Variants in CDK15 observed in about 807,000 individuals in gnomAD.
The protein encoded by CDK15 is cyclin-dependent kinase 15.
CDK15 carries 62 observed loss-of-function variants against 60.3 expected under a neutral mutation model. The ratio of observed to expected loss-of-function variants is 1.03; its 90% CI spans 0.84 to 1.27. The LOEUF is 1.27. Ranked by LOEUF, CDK15 falls within the 50% of genes most tolerant of loss-of-function variation. The pLI is 0.00. For synonymous variants in CDK15, 194 were observed against 195.7 expected, an observed-to-expected ratio of 0.99 and a Z score of 0.07; for missense variants, 541 against 527.8, an observed-to-expected ratio of 1.03 and a Z score of -0.25.
At chr2:201,879,597 C>T (rs115231432) in intron 11 of CDK15, among the ~76,000 whole-genome samples, 1,772 of 152,262 alleles carry the variant, frequency 0.012, 22 homozygotes, top group Middle Eastern at 0.027. Flanking sequence ...CCAGTCTGGT[C>T]CCAAACTCCT....
chr2:201,883,897 T>A (rs1218487260), intron 12 of CDK15, among the ~76,000 whole-genome samples: 2 of 152,182 alleles, frequency 1.3e-5, no homozygotes, highest in Non-Finnish European at 2.9e-5. Context: ...CTCTTTGCCC[T>A]CAGCATGAAC....
Position 201,851,235 on chromosome 2 carries a change from T to C in CDK15, c.946-3639T>C, listed in dbSNP as rs1361187888. On this transcript the variant is annotated intron_variant, in intron 9 of 13. Coordinates refer to ENST00000652192, the MANE Select transcript of CDK15 (RefSeq NM_001366386.2). Reference sequence around the variant, plus strand: ...TGAACCCAGGAGGAGGAGGTTGCAGTGAGACGAGATCGTGCCACTGCACTC... The same window carrying C: ...TGAACCCAGGAGGAGGAGGTTGCAGCGAGACGAGATCGTGCCACTGCACTC... Among the ~76,000 whole-genome samples, 13 of 129,426 alleles carry C rather than the reference T, an allele frequency of 1.0e-4. No homozygotes were observed. In the Admixed American group the frequency reaches 1.3e-3, roughly 12 times the overall value. The allele number at this position is 129,426 out of a possible 152,430, so 84.9% of individuals were successfully genotyped here. A position where few individuals can be genotyped will look rare whatever the true frequency, so the allele number is the denominator to read the frequency against.
At chr2:201,837,842 T>A (rs140700358) in intron 8 of CDK15, among the ~76,000 whole-genome samples, 1 of 152,318 alleles carries the variant, frequency 6.6e-6, no homozygotes, top group African/African-American at 2.4e-5. Flanking sequence ...TTAAATGGTG[T>A]CCTAAAAGGC....
At chr2:201,836,073 T>TATATTTATATATTTATATATA (rs56275763) in intron 8 of CDK15, among the ~76,000 whole-genome samples, 5 of 106,684 alleles carry the variant, frequency 4.7e-5, no homozygotes, top group Admixed American at 2.7e-4. Context: ...TATATTTATA[T>TATATTTATATATTTATATATA]TTATATATAT....
chr2:201,864,631 T>G (rs1467783528), intron 10 of CDK15, among the ~76,000 whole-genome samples: 1 of 152,144 alleles, frequency 6.6e-6, no homozygotes, highest in East Asian at 1.9e-4. Flanking sequence ...GGGATGGTTT[T>G]TAAAGAAAGA....
chr2:201,856,411 C>T lies in CDK15; in HGVS notation c.1009+1474C>T, dbSNP rs182652171. Among the ~76,000 whole-genome samples, 22 of 152,206 alleles carry T rather than the reference C, an allele frequency of 1.4e-4. 1 individual carries two copies. In the East Asian group the frequency reaches 4.3e-3, roughly 29 times the overall value. On this transcript the variant is annotated intron_variant, in intron 10 of 13. Coordinates refer to ENST00000652192, the MANE Select transcript of CDK15 (RefSeq NM_001366386.2). ...AATGGTTATATCTATTGCTAAAAGGCCTTAATATCATTTGCAAATAGTTTA... is the reference window on the plus strand; with the variant it reads ...AATGGTTATATCTATTGCTAAAAGGTCTTAATATCATTTGCAAATAGTTTA...
At chr2:201,835,858 T>C in intron 8 of CDK15, 95 bp downstream of exon 8, 1 of 744,256 alleles carries the variant, frequency 1.3e-6, no homozygotes, top group Non-Finnish European at 1.8e-6. Context: ...AAAATGGCAA[T>C]CACGTATATA....
intron 11 of CDK15, among the ~76,000 whole-genome samples, chr2:201,874,805 T>A (rs1463917758): frequency 1.3e-5 from 2 of 152,200 alleles, no homozygotes. Context: ...TTCCTAGTAT[T>A]GGATGTATTT....
At chr2:201,875,456 A>C (rs1489935330) in intron 11 of CDK15, among the ~76,000 whole-genome samples, 1 of 152,184 alleles carries the variant, frequency 6.6e-6, no homozygotes, top group Non-Finnish European at 1.5e-5. Flanking sequence ...AATTCTAAGA[A>C]TTTATCCTAA....
intron 10 of CDK15, among the ~76,000 whole-genome samples, chr2:201,867,378 A>G (rs1053829099): frequency 6.6e-6 from 1 of 151,982 alleles, no homozygotes; most frequent in Non-Finnish European, 1.5e-5. Context: ...TAATCCTAAC[A>G]CTTTGGGAGG....
chr2:201,862,483 C>A (rs1031832933), intron 10 of CDK15, among the ~76,000 whole-genome samples: 13 of 152,188 alleles, frequency 8.5e-5, no homozygotes, highest in Non-Finnish European at 4.4e-5. Flanking sequence ...GTTCCAATTG[C>A]ACCCTCTTGG....
At chr2:201,839,663 T>TAAAC (rs1697283279) in intron 8 of CDK15, among the ~76,000 whole-genome samples, 1 of 146,868 alleles carries the variant, frequency 6.8e-6, no homozygotes, top group African/African-American at 2.5e-5. Flanking sequence ...AGAAAAGATA[T>TAAAC]AGACAGACAG....
intron 8 of CDK15, among the ~76,000 whole-genome samples, chr2:201,837,093 T>G (rs1055269206): frequency 4.0e-5 from 6 of 151,874 alleles, no homozygotes; most frequent in African/African-American, 1.5e-4. Flanking sequence ...AGCCCAGTTG[T>G]TTAAGATCAG....
chr2:201,845,919 A>G lies in CDK15; in HGVS notation c.852-1462A>G, dbSNP rs186452223. Among the ~76,000 whole-genome samples, 479 of 152,058 alleles carry G rather than the reference A, an allele frequency of 3.2e-3. 2 individuals carry two copies. Among genetic ancestry groups the G allele is most frequent in the Non-Finnish European group, 5.1e-3 (349 of 67,974 alleles). On this transcript the variant is annotated intron_variant, in intron 8 of 13. Coordinates refer to ENST00000652192, the MANE Select transcript of CDK15 (RefSeq NM_001366386.2). ...TAATCAGTCACCTGAACCACTTTTAATACTCAAAAGACTTATGAGAATAAA... is the reference window on the plus strand; with the variant it reads ...TAATCAGTCACCTGAACCACTTTTAGTACTCAAAAGACTTATGAGAATAAA...
intron 8 of CDK15, among the ~76,000 whole-genome samples, chr2:201,841,972 T>C (rs1046136876): frequency 1.3e-5 from 2 of 152,222 alleles, no homozygotes; most frequent in African/African-American, 4.8e-5. Flanking sequence ...GTTTTTAGTT[T>C]TTTGTATTGT....
At chr2:201,826,580 TAGAGGATATGTTCAAGGA>T (rs1175817895) in intron 6 of CDK15, among the ~76,000 whole-genome samples, 1 of 145,556 alleles carries the variant, frequency 6.9e-6, no homozygotes, top group African/African-American at 2.6e-5. Context: ...AGTAGGGAAA[TAGAGGATATGTTCAAGGA>T]AGAGGACCCC....
chr2:201,836,800 G>GAA lies in CDK15; in HGVS notation c.851+1050_851+1051dup, dbSNP rs779259853. On this transcript the variant is annotated intron_variant, in intron 8 of 13. Transcript: ENST00000652192. ...AAACGTAGTTCAGAGCCTGGTTTAG[G>GAA]AAAAAAAAAAAAAAGCATAAAGACC... Among the ~76,000 whole-genome samples, 201 of 132,038 alleles carry GAA rather than the reference G, an allele frequency of 1.5e-3. 2 individuals carry two copies. The highest frequency in any genetic ancestry group is 5.1e-3 in the African/African-American group (186 of 36,482). The allele number at this position is 132,038 out of a possible 152,430, so 86.6% of individuals were successfully genotyped here. A position where few individuals can be genotyped will look rare whatever the true frequency, so the allele number is the denominator to read the frequency against.
chr2:201,835,624 G>A lies in CDK15; in HGVS notation c.731-19G>A. On this transcript the variant is annotated intron_variant, in intron 7 of 13. Coordinates refer to ENST00000652192, the MANE Select transcript of CDK15 (RefSeq NM_001366386.2). ...CAAGGTCCAGAACGATGGGTTTTAT[G>A]CTTTTCCCTTTTGGACAGGTCTTGC... 6.3e-7 allele frequency: 1 copy of A among 1,594,660 alleles called. No individual in the cohort carries two copies. Among genetic ancestry groups the A allele is most frequent in the Non-Finnish European group, 8.6e-7 (1 of 1,167,316 alleles).
intron 3 of CDK15, among the ~76,000 whole-genome samples, chr2:201,811,071 G>A (rs1267876796): frequency 6.6e-6 from 1 of 151,152 alleles, no homozygotes. Context: ...TCAAACTCCC[G>A]AGCTCAGGCA....
Sources: gnomAD v4.1 joint callset for allele counts (sites outside exome capture counted in the v4.1 genomes callset) on GRCh38, gnomAD v4.1.1 for gene constraint, MANE v1.5 for transcripts, NCBI Gene and HGNC (gene_info 2026-07-23, HGNC 2026-07-21) for gene names.